C4orf36: variants seen among roughly 807,000 people sequenced by gnomAD.
C4orf36 encodes uncharacterized protein C4orf36.
In C4orf36, 11 loss-of-function variants were observed where a neutral mutation model predicts 12.2. The ratio of observed to expected loss-of-function variants is 0.90; its 90% CI spans 0.57 to 1.49. The LOEUF (loss-of-function observed/expected upper bound fraction) is 1.49, where lower values mean the gene tolerates loss of function less well. Ranked by LOEUF, C4orf36 falls within the 40% of genes most tolerant of loss-of-function variation. The probability of loss-of-function intolerance (pLI) is 0.00; values close to 1 mark genes in which losing one functional copy is unlikely to be tolerated. For missense variants in C4orf36, 137 were observed against 133.9 expected (o/e 1.02, Z -0.11); for synonymous variants, 54 against 51.3 (o/e 1.05, Z -0.22).
chr4:86,908,341 TGA>T, the C4orf36 span, among the ~76,000 whole-genome samples: 1 of 152,056 alleles, frequency 6.6e-6, no homozygotes, highest in African/African-American at 2.4e-5. Context: ...TGAGTAGATT[TGA>T]GTTATACTTA....
the C4orf36 span, among the ~76,000 whole-genome samples, chr4:86,906,074 G>A: frequency 1.3e-5 from 2 of 152,184 alleles, no homozygotes; most frequent in Non-Finnish European, 2.9e-5. Flanking sequence ...CAGCAAACCG[G>A]GGCTAGGTGG....
At chr4:86,902,567 A>G in the C4orf36 span, among the ~76,000 whole-genome samples, 1 of 152,102 alleles carries the variant, frequency 6.6e-6, no homozygotes, top group African/African-American at 2.4e-5. Context: ...ACAAATTTCC[A>G]TTGTGAATCC....
chr4:86,915,284 G>A, the C4orf36 span, among the ~76,000 whole-genome samples: 1 of 152,068 alleles, frequency 6.6e-6, no homozygotes, highest in African/African-American at 2.4e-5. Context: ...CTCCTTTCTT[G>A]GGCTCCAGCA....
At chr4:86,928,212 G>T in the C4orf36 span, among the ~76,000 whole-genome samples, 1 of 152,226 alleles carries the variant, frequency 6.6e-6, no homozygotes, top group Non-Finnish European at 1.5e-5. Flanking sequence ...AGGGGAAGGT[G>T]AGACTATTCA....
In C4orf36 at chr4:86,888,243, T is replaced by C; in HGVS notation, c.98A>G (p.Lys33Arg). 1.2e-6 allele frequency: 2 copies of C among 1,614,002 alleles called. No homozygotes were observed. The highest frequency in any genetic ancestry group is 1.7e-5 in the Admixed American group (1 of 59,992). ...QEPWDIALLAKTWSTNLANIK... is the reference protein window; with the variant it reads ...QEPWDIALLARTWSTNLANIK... ...ATTGGCTAGGTTTGTGGACCAGGTC[T>C]TTGCAAGCAATGCAATATCCCAAGG... The change falls in exon 3 of 5, where the codon AAG becomes AGG. Residue 33 changes from lysine (K) to arginine (R), a missense_variant. Lys to Arg is a conservative substitution (Grantham distance 26). Coordinates refer to ENST00000295898, the MANE Select transcript of C4orf36 (RefSeq NM_144645.4).
the C4orf36 span, among the ~76,000 whole-genome samples, chr4:86,908,182 C>T: frequency 3.8e-5 from 5 of 130,582 alleles, no homozygotes; most frequent in African/African-American, 1.8e-4. Flanking sequence ...CACACACACA[C>T]ACACACACAC....
At chr4:86,913,918 G>A in the C4orf36 span, 245 of 1,307,922 alleles carry the variant, frequency 1.9e-4, 1 homozygote, top group South Asian at 2.9e-4. Context: ...GAACTCTCCC[G>A]GGCTCACGCC....
the C4orf36 span, among the ~76,000 whole-genome samples, chr4:86,904,881 G>A: frequency 2.6e-5 from 4 of 152,184 alleles, no homozygotes; most frequent in African/African-American, 9.6e-5. Context: ...AAATTCATTC[G>A]TTGAAGCCCT....
chr4:86,886,049 C>A (rs571236111), intron 4 of C4orf36, among the ~76,000 whole-genome samples: 7 of 152,194 alleles, frequency 4.6e-5, no homozygotes, highest in Non-Finnish European at 7.4e-5. Flanking sequence ...GGGATGAAGC[C>A]CACTTGATCA....
At chr4:86,934,056 G>A in the C4orf36 span, among the ~76,000 whole-genome samples, 1 of 152,138 alleles carries the variant, frequency 6.6e-6, no homozygotes, top group Non-Finnish European at 1.5e-5. Flanking sequence ...AAAGAGAAAA[G>A]GCAGAGAAGG....
At chr4:86,890,467 C>T (rs1362340626) in intron 2 of C4orf36, among the ~76,000 whole-genome samples, 1 of 133,956 alleles carries the variant, frequency 7.5e-6, no homozygotes, top group Non-Finnish European at 1.6e-5. Flanking sequence ...AATGCACATA[C>T]ACAATGCAAA....
At chr4:86,905,307 C>T in the C4orf36 span, among the ~76,000 whole-genome samples, 24 of 151,648 alleles carry the variant, frequency 1.6e-4, no homozygotes, top group Admixed American at 1.0e-3. Flanking sequence ...CACTTGAACC[C>T]GGGAAGTGGA....
the C4orf36 span, among the ~76,000 whole-genome samples, chr4:86,900,294 A>C: frequency 7.0e-4 from 107 of 152,136 alleles, no homozygotes; most frequent in South Asian, 8.7e-3. Flanking sequence ...CAGCCTCCCA[A>C]ATTGCTGGGA....
intron 4 of C4orf36, among the ~76,000 whole-genome samples, chr4:86,880,389 G>C (rs1017483343): frequency 6.6e-6 from 1 of 152,172 alleles, no homozygotes; most frequent in Non-Finnish European, 1.5e-5. Context: ...AGGAGTTGGA[G>C]GTTGCAGTAA....
At chr4:86,922,211 T>C in the C4orf36 span, among the ~76,000 whole-genome samples, 1 of 152,200 alleles carries the variant, frequency 6.6e-6, no homozygotes, top group Non-Finnish European at 1.5e-5. Flanking sequence ...CACAAATAAT[T>C]TTCATTTCTA....
chr4:86,914,391 C>G, the C4orf36 span: 2 of 327,272 alleles, frequency 6.1e-6, no homozygotes, highest in Non-Finnish European at 1.1e-5. Context: ...CTTCTTCTTC[C>G]TTTTTTTTTT....
intron 4 of C4orf36, among the ~76,000 whole-genome samples, chr4:86,879,597 A>G (rs1747001199): frequency 6.6e-6 from 1 of 152,216 alleles, no homozygotes; most frequent in Non-Finnish European, 1.5e-5. Context: ...AAGAAAAGGG[A>G]GAAAGGACTA....
At chr4:86,931,552 C>T in the C4orf36 span, among the ~76,000 whole-genome samples, 1 of 152,162 alleles carries the variant, frequency 6.6e-6, no homozygotes, top group African/African-American at 2.4e-5. Flanking sequence ...TTGTGCACAA[C>T]CATGCCTAGC....
the C4orf36 span, chr4:86,934,973 C>T: frequency 6.6e-6 from 1 of 151,960 alleles, no homozygotes; most frequent in Non-Finnish European, 1.5e-5. Flanking sequence ...AGGGCGTGGC[C>T]TCGGGGCGTC....
Sources: allele counts gnomAD v4.1 joint callset (sites outside exome capture counted in the v4.1 genomes callset), GRCh38; gene constraint gnomAD v4.1.1; transcripts MANE v1.5; gene names NCBI Gene and HGNC (gene_info 2026-07-23, HGNC 2026-07-21).